Variants in PLCE1 observed in about 807,000 individuals in gnomAD.
The protein encoded by PLCE1 is phospholipase C epsilon 1.
A neutral mutation model predicts 242.8 loss-of-function variants in PLCE1; 119 were observed. That is an observed-to-expected ratio of 0.49 (90% confidence interval 0.42 to 0.57). PLCE1 has a LOEUF of 0.57. PLCE1 is among the 20% of genes least tolerant of loss of function. The pLI, the probability that PLCE1 is intolerant of heterozygous loss-of-function variation, is 0.00. For missense variants in PLCE1, 2,441 were observed against 2,788.8 expected (o/e 0.88, Z 2.81); for synonymous variants, 945 against 1,017.4 (o/e 0.93, Z 1.35).
chr10:94,330,956 G>C lies in PLCE1; in HGVS notation c.*3013G>C, dbSNP rs549538368. On this transcript the variant is annotated 3_prime_UTR_variant, in exon 33 of 33. Transcript: ENST00000371380. The stretch of plus-strand genomic sequence containing the variant: ...ACAAGAATCTAAATATGCAAGTTGG[G>C]GTCATTACAAAATTTTAAGAAGCAT... 2.0e-5 allele frequency: 3 copies of C among 152,244 alleles called. No homozygotes were observed. Among genetic ancestry groups the C allele is most frequent in the African/African-American group, 7.2e-5 (3 of 41,544 alleles). 9.4% of individuals were successfully genotyped at this position (152,244 alleles called of 1,614,324 possible). A position where few individuals can be genotyped will look rare whatever the true frequency, so the allele number is the denominator to read the frequency against.
intron 4 of PLCE1, among the ~76,000 whole-genome samples, chr10:94,223,877 G>A (rs1032422017): frequency 6.6e-6 from 1 of 152,100 alleles, no homozygotes; most frequent in Non-Finnish European, 1.5e-5. Context: ...AATTCTTTCT[G>A]GATTGGCAAC....
chr10:94,081,147 A>G (rs1337436361), intron 2 of PLCE1, among the ~76,000 whole-genome samples: 2 of 152,200 alleles, frequency 1.3e-5, no homozygotes, highest in Admixed American at 6.5e-5. Context: ...GGCTGCTTCT[A>G]TGAATTACAT....
intron 4 of PLCE1, among the ~76,000 whole-genome samples, chr10:94,189,262 ATAT>A (rs762076778): frequency 4.0e-5 from 6 of 148,538 alleles, no homozygotes; most frequent in Admixed American, 1.3e-4. Context: ...TAGATATATA[ATAT>A]TAATATAGTC....
At chr10:94,199,880 C>T (rs941307176) in intron 4 of PLCE1, among the ~76,000 whole-genome samples, 37 of 152,180 alleles carry the variant, frequency 2.4e-4, no homozygotes, top group African/African-American at 8.9e-4. Flanking sequence ...GATGACTGCA[C>T]AGCAGCAAAG....
intron 2 of PLCE1, among the ~76,000 whole-genome samples, chr10:94,082,774 T>C (rs2044691182): frequency 6.6e-6 from 1 of 152,212 alleles, no homozygotes; most frequent in African/African-American, 2.4e-5. Flanking sequence ...ATAAAATTTC[T>C]AAAAGTTCCA....
intron 2 of PLCE1, among the ~76,000 whole-genome samples, chr10:94,122,625 G>T (rs2046330698): frequency 6.6e-6 from 1 of 152,112 alleles, no homozygotes; most frequent in South Asian, 2.1e-4. Context: ...GAGGCGTATA[G>T]AGATGAATAG....
chr10:94,081,130 C>T (rs2044642686), intron 2 of PLCE1, among the ~76,000 whole-genome samples: 2 of 152,142 alleles, frequency 1.3e-5, no homozygotes, highest in Non-Finnish European at 1.5e-5. Flanking sequence ...TGTTTATTGG[C>T]TACCTGGGCT....
At chr10:94,028,690 T>TGCA (rs1168161017) in intron 1 of PLCE1, among the ~76,000 whole-genome samples, 2 of 152,138 alleles carry the variant, frequency 1.3e-5, no homozygotes, top group African/African-American at 4.8e-5. Flanking sequence ...GGCTCACACC[T>TGCA]GTAATTCCAG....
At chr10:94,096,108 T>C (rs2045298867) in intron 2 of PLCE1, among the ~76,000 whole-genome samples, 1 of 152,156 alleles carries the variant, frequency 6.6e-6, no homozygotes, top group Admixed American at 6.5e-5. Flanking sequence ...CCAGTTCTCC[T>C]TACCCTCACA....
At chr10:94,254,748 TA>T (rs112094926) in intron 10 of PLCE1, 144 bp from the exon 11 acceptor site, 7 of 872,882 alleles carry the variant, frequency 8.0e-6, no homozygotes, top group Admixed American at 3.5e-5. Context: ...AGCCCATTCA[TA>T]AAGATATTTT....
intron 2 of PLCE1, among the ~76,000 whole-genome samples, chr10:94,119,972 C>T (rs770701944): frequency 9.2e-5 from 14 of 152,312 alleles, no homozygotes; most frequent in African/African-American, 1.2e-4. Context: ...CATTGAATGT[C>T]AGTCCAAGCT....
chr10:94,313,700 T>C (rs564369791), intron 28 of PLCE1, among the ~76,000 whole-genome samples: 158 of 152,286 alleles, frequency 1.0e-3, no homozygotes, highest in African/African-American at 3.3e-3. Context: ...CAACCATATA[T>C]ACACTTTCGC....
rs376120878 is a variant in PLCE1 at position 94,261,154 on chromosome 10, G to A, written c.3815-1340G>A. On this transcript the variant is annotated intron_variant, in intron 13 of 32. Coordinates refer to ENST00000371380, the MANE Select transcript of PLCE1 (RefSeq NM_016341.4). ...TATGCTTCATTTTTCCATCCCCCCC[G>A]CGACCTCCCTCCAAATCCCTGGCAG... 1.1e-4 allele frequency among the ~76,000 whole-genome samples: 16 copies of A among 151,868 alleles called. No individual in the cohort carries two copies. In the East Asian group the frequency reaches 2.1e-3, roughly 20 times the overall value.
intron 1 of PLCE1, among the ~76,000 whole-genome samples, chr10:93,995,488 C>A (rs2060803529): frequency 6.6e-6 from 1 of 152,180 alleles, no homozygotes; most frequent in South Asian, 2.1e-4. Context: ...GTAGATGTCT[C>A]ATTTTCCCTA....
At chr10:94,231,227 G>A (rs888113524) in intron 5 of PLCE1, among the ~76,000 whole-genome samples, 2 of 151,996 alleles carry the variant, frequency 1.3e-5, no homozygotes, top group Non-Finnish European at 2.9e-5. Flanking sequence ...TTTGCCCTTT[G>A]CCCCCAAGTG....
chr10:94,209,949 A>C (rs1027098906), intron 4 of PLCE1, among the ~76,000 whole-genome samples: 1 of 152,170 alleles, frequency 6.6e-6, no homozygotes, highest in Non-Finnish European at 1.5e-5. Context: ...GGCATAGAAG[A>C]GAGATTAAAT....
chr10:94,227,489 C>G, intron 5 of PLCE1, 38 bp downstream of exon 5: 1 of 1,583,506 alleles, frequency 6.3e-7, no homozygotes, highest in Non-Finnish European at 8.7e-7. Context: ...TTGGCACAAT[C>G]GCTTCTCATC....
chr10:94,046,810 T>C (rs4918042), intron 2 of PLCE1, among the ~76,000 whole-genome samples: 62,840 of 152,102 alleles, frequency 0.41, 16,432 homozygotes, highest in African/African-American at 0.75. Flanking sequence ...CTCTCTGTGC[T>C]GCTATTTATT....
chr10:94,185,501 GA>G (rs920414708), intron 4 of PLCE1, among the ~76,000 whole-genome samples: 2 of 151,240 alleles, frequency 1.3e-5, no homozygotes, highest in African/African-American at 4.8e-5. Flanking sequence ...CACCTAAAAA[GA>G]AAAAAAAATG....
Sources: gnomAD v4.1 joint callset for allele counts (sites outside exome capture counted in the v4.1 genomes callset) on GRCh38, gnomAD v4.1.1 for gene constraint, MANE v1.5 for transcripts, NCBI Gene and HGNC (gene_info 2026-07-23, HGNC 2026-07-21) for gene names.